KIFAP3: variants seen among roughly 807,000 people sequenced by gnomAD.
KIFAP3 encodes kinesin associated protein 3.
A neutral mutation model predicts 106.5 loss-of-function variants in KIFAP3; 68 were observed. That is an observed-to-expected ratio of 0.64 (90% CI 0.53 to 0.78). KIFAP3 has a LOEUF of 0.78. KIFAP3 is among the 30% of genes least tolerant of loss of function. The pLI is 0.00. For missense variants in KIFAP3, 780 were observed against 941.8 expected, an observed-to-expected ratio of 0.83 and a Z score of 2.25; for synonymous variants, 320 against 311.5, an observed-to-expected ratio of 1.03 and a Z score of -0.29.
At chr1:170,002,824 C>T (rs992839099) in intron 10 of KIFAP3, among the ~76,000 whole-genome samples, 26 of 152,138 alleles carry the variant, frequency 1.7e-4, no homozygotes, top group African/African-American at 2.7e-4. Context: ...AGCTTAGCAA[C>T]ATCTATTGGT....
At chr1:169,994,068 TTAA>T (rs1464438861) in intron 10 of KIFAP3, among the ~76,000 whole-genome samples, 1 of 152,006 alleles carries the variant, frequency 6.6e-6, no homozygotes, top group Non-Finnish European at 1.5e-5. Context: ...TGTTGATTGG[TTAA>T]TAATAATTTA....
At chr1:169,970,718 A>G (rs1372016761) in intron 17 of KIFAP3, among the ~76,000 whole-genome samples, 1 of 152,050 alleles carries the variant, frequency 6.6e-6, no homozygotes, top group Non-Finnish European at 1.5e-5. Context: ...CAGGTTTCTT[A>G]TAATTTAAAA....
intron 12 of KIFAP3, among the ~76,000 whole-genome samples, 164 bp downstream of exon 12, chr1:169,984,418 G>A (rs571679771): frequency 3.3e-5 from 5 of 151,778 alleles, no homozygotes; most frequent in African/African-American, 7.2e-5. Flanking sequence ...CATTTATGAC[G>A]TAAGAATATT....
intron 2 of KIFAP3, among the ~76,000 whole-genome samples, chr1:170,054,839 T>C (rs1468430050): frequency 6.6e-6 from 1 of 151,996 alleles, no homozygotes; most frequent in African/African-American, 2.4e-5. Flanking sequence ...GGGAGAGCAT[T>C]AGGACAAATA....
chr1:169,972,444 A>G, intron 17 of KIFAP3, 69 bp downstream of exon 17: 2 of 780,312 alleles, frequency 2.6e-6, no homozygotes, highest in African/African-American at 1.8e-5. Flanking sequence ...TGTTTAAAAT[A>G]GGTTTACAAT....
At chr1:170,069,281 T>G (rs769370063) in intron 1 of KIFAP3, among the ~76,000 whole-genome samples, 1 of 152,030 alleles carries the variant, frequency 6.6e-6, no homozygotes, top group Non-Finnish European at 1.5e-5. Context: ...ACCAAGCATT[T>G]AAAGACAAAT....
intron 19 of KIFAP3, among the ~76,000 whole-genome samples, chr1:169,936,011 T>G (rs1333024831): frequency 6.6e-6 from 1 of 151,902 alleles, no homozygotes. Context: ...AGATTATAGC[T>G]CATAATTAAT....
chr1:170,077,060 C>T (rs1274743096), upstream of KIFAP3, among the ~76,000 whole-genome samples: 1 of 152,100 alleles, frequency 6.6e-6, no homozygotes, highest in Admixed American at 6.5e-5. Flanking sequence ...CCAATCAGCA[C>T]TCTGTACAAA....
At chr1:169,957,080 C>T (rs1324611949) in intron 18 of KIFAP3, among the ~76,000 whole-genome samples, 1 of 152,136 alleles carries the variant, frequency 6.6e-6, no homozygotes, top group Non-Finnish European at 1.5e-5. Context: ...TTGGAAATAT[C>T]TTATTTTTTC....
At chr1:169,974,534 T>A (rs1377654920) in intron 16 of KIFAP3, among the ~76,000 whole-genome samples, 1 of 151,872 alleles carries the variant, frequency 6.6e-6, no homozygotes, top group African/African-American at 2.4e-5. Flanking sequence ...TACTATTTTT[T>A]TTTAGGGTTA....
intron 10 of KIFAP3, among the ~76,000 whole-genome samples, chr1:170,004,936 G>A (rs1249079928): frequency 6.6e-6 from 1 of 151,924 alleles, no homozygotes; most frequent in Non-Finnish European, 1.5e-5. Flanking sequence ...CAGAATGGGA[G>A]AAAATTTTCG....
chr1:169,947,342 G>C (rs7548073), intron 19 of KIFAP3, among the ~76,000 whole-genome samples: 3,247 of 151,890 alleles, frequency 0.021, 120 homozygotes, highest in African/African-American at 0.071. Context: ...AAGTAAACAG[G>C]ACACTGTATT....
chr1:170,032,783 A>C (rs998851650), intron 7 of KIFAP3, among the ~76,000 whole-genome samples: 2 of 151,662 alleles, frequency 1.3e-5, no homozygotes, highest in Non-Finnish European at 3.0e-5. Flanking sequence ...TCTAAGATAC[A>C]TTTTCCTCAC....
intron 16 of KIFAP3, among the ~76,000 whole-genome samples, chr1:169,975,644 T>A (rs762691636): frequency 1.5e-4 from 23 of 152,226 alleles, no homozygotes; most frequent in Admixed American, 3.3e-4. Flanking sequence ...AGACAGAGCC[T>A]CGTTCTGTCA....
intron 19 of KIFAP3, among the ~76,000 whole-genome samples, chr1:169,944,447 G>A (rs1006147195): frequency 4.6e-5 from 7 of 152,146 alleles, no homozygotes; most frequent in Non-Finnish European, 1.0e-4. Flanking sequence ...CCTGGCTCAG[G>A]AGCAACTACG....
chr1:169,973,421 T>C (rs1488742295), intron 16 of KIFAP3, among the ~76,000 whole-genome samples: 1 of 120,038 alleles, frequency 8.3e-6, no homozygotes, highest in Non-Finnish European at 1.7e-5. Flanking sequence ...CTAAAAACTA[T>C]AATTCAAGAA....
intron 19 of KIFAP3, among the ~76,000 whole-genome samples, chr1:169,932,674 C>T (rs907262110): frequency 2.0e-5 from 3 of 150,894 alleles, no homozygotes; most frequent in Admixed American, 1.3e-4. Flanking sequence ...AAAAACACTA[C>T]TGACATAACA....
intron 1 of KIFAP3, among the ~76,000 whole-genome samples, chr1:170,072,311 G>A (rs886989115): frequency 6.6e-6 from 1 of 152,146 alleles, no homozygotes; most frequent in Non-Finnish European, 1.5e-5. Flanking sequence ...AAGTAAGATA[G>A]ACACATAGCA....
At chr1:169,962,377 C>T (rs956974641) in intron 17 of KIFAP3, among the ~76,000 whole-genome samples, 2 of 152,074 alleles carry the variant, frequency 1.3e-5, no homozygotes, top group Admixed American at 1.3e-4. Flanking sequence ...ACTACTTGTC[C>T]CATAGGTTGC....
Sources: allele counts gnomAD v4.1 joint callset (sites outside exome capture counted in the v4.1 genomes callset), GRCh38; gene constraint gnomAD v4.1.1; transcripts MANE v1.5; gene names NCBI Gene and HGNC (gene_info 2026-07-23, HGNC 2026-07-21).